The following MRPS35 variants were observed in gnomAD, a reference collection of about 807,000 sequenced individuals.
MRPS35 encodes mitochondrial ribosomal protein S35.
In MRPS35, 29 loss-of-function variants were observed where a neutral mutation model predicts 32.7. That is an observed-to-expected ratio of 0.89 (90% CI 0.66 to 1.21). MRPS35 has a LOEUF of 1.21. MRPS35 is among the 50% of genes most tolerant of loss of function. The probability of loss-of-function intolerance (pLI) is 0.00; values close to 1 mark genes in which losing one functional copy is unlikely to be tolerated. For missense variants in MRPS35, 373 were observed against 383.8 expected, an observed-to-expected ratio of 0.97 and a Z score of 0.23; for synonymous variants, 148 against 139.3, an observed-to-expected ratio of 1.06 and a Z score of -0.44.
rs142200034 is a variant in MRPS35, at chr12:27,710,895, A to T, written c.52A>T (p.Thr18Ser). The change falls in exon 1 of 8, where the codon ACT becomes TCT. Residue 18 changes from threonine to serine, a missense_variant. Coordinates refer to ENST00000081029, the MANE Select transcript of MRPS35 (RefSeq NM_021821.4). ...AWLSLQSRARTLRAFSTAVYS... is the reference protein window; with the variant it reads ...AWLSLQSRARSLRAFSTAVYS... ...GCTGTCTCTGCAGTCGAGGGCAAGG[A>T]CTCTGCGTGCATTCTCCACTGCCGT... 1.7e-3 allele frequency: 2,755 copies of T among 1,612,534 alleles called. 2 individuals carry two copies. Among genetic ancestry groups the T allele is most frequent in the Non-Finnish European group, 2.1e-3 (2,529 of 1,179,862 alleles).
In MRPS35 at chr12:27,743,044, A is replaced by G. The variant is rs115096995; in HGVS notation, c.702+5436A>G. Among the ~76,000 whole-genome samples the G allele has an allele frequency of 2.4e-3, 371 of 151,634 alleles. 6 individuals carry two copies. Among genetic ancestry groups the G allele is most frequent in the African/African-American group, 8.5e-3 (350 of 41,370 alleles). On this transcript the variant is annotated intron_variant, in intron 7 of 7. Coordinates refer to ENST00000081029, the MANE Select transcript of MRPS35 (RefSeq NM_021821.4). Reference sequence around the variant, plus strand: ...CGGAGCTAATTTTTTTATTTTTTGTAGAGGTGAAGTCTTGCTCTGTTCACC... The same window carrying G: ...CGGAGCTAATTTTTTTATTTTTTGTGGAGGTGAAGTCTTGCTCTGTTCACC...
At chr12:27,732,327 C>T (rs968393923) in intron 5 of MRPS35, among the ~76,000 whole-genome samples, 2 of 152,204 alleles carry the variant, frequency 1.3e-5, no homozygotes, top group African/African-American at 4.8e-5. Context: ...AATCTCATTG[C>T]TTTATTTGAA....
chr12:27,713,502 C>T (rs2061836310), intron 1 of MRPS35, among the ~76,000 whole-genome samples: 1 of 152,132 alleles, frequency 6.6e-6, no homozygotes, highest in South Asian at 2.1e-4. Context: ...TGTACAAGTT[C>T]CTGGAGTCCA....
At position 27,756,247 on chromosome 12, in the gene MRPS35, C is replaced by T. The variant is rs377538609; in HGVS notation, c.*797C>T. 3.9e-5 allele frequency: 6 copies of T among 152,286 alleles called. No individual in the cohort carries two copies. The highest frequency in any genetic ancestry group is 1.9e-4 in the East Asian group (1 of 5,186). The allele number at this position is 152,286 out of a possible 1,614,324, so 9.4% of individuals were successfully genotyped here. A position where few individuals can be genotyped will look rare whatever the true frequency, so the allele number is the denominator to read the frequency against. ...ACCTGTCAGCTGTTTCTTACCACTT[C>T]GATGGTTGTGATTAATTTAAAATCA... On this transcript the variant is annotated 3_prime_UTR_variant, in exon 8 of 8. Transcript: ENST00000081029.
In MRPS35 at chr12:27,739,965, A is replaced by G. The variant is rs191902359; in HGVS notation, c.702+2357A>G. 1.3e-4 allele frequency among the ~76,000 whole-genome samples: 20 copies of G among 152,322 alleles called. No individual in the cohort carries two copies. The East Asian group carries it at 3.5e-3, about 26-fold the overall frequency. On this transcript the variant is annotated intron_variant, in intron 7 of 7. Transcript: ENST00000081029. ...ATGCCAGGATAAGTAGCCACATACAACTGTCCAAACAAGTATACTTGAAGA... is the reference window on the plus strand; with the variant it reads ...ATGCCAGGATAAGTAGCCACATACAGCTGTCCAAACAAGTATACTTGAAGA...
intron 1 of MRPS35, among the ~76,000 whole-genome samples, chr12:27,714,468 C>T (rs1224265517): frequency 6.6e-6 from 1 of 151,688 alleles, no homozygotes; most frequent in Non-Finnish European, 1.5e-5. Context: ...TACTGGTAGT[C>T]GCAGCTACTT....
At position 27,710,871 on chromosome 12, in the gene MRPS35, C is replaced by G. The variant is rs763879236; in HGVS notation, c.28C>G (p.Leu10Val). MAAAALPAW[L>V]SLQSRARTLR... ...GGCGGCCGCCGCGCTCCCAGCATGG[C>G]TGTCTCTGCAGTCGAGGGCAAGGAC... The change falls in exon 1 of 8, where the codon CTG (leucine) becomes GTG (valine). Residue 10 changes from leucine to valine, a missense_variant. By Grantham distance (32) the Leu-to-Val change is conservative. Coordinates refer to ENST00000081029, the MANE Select transcript of MRPS35 (RefSeq NM_021821.4). The G allele has an allele frequency of 2.5e-6, 4 of 1,610,766 alleles. No individual in the cohort carries two copies. The South Asian group carries it at 4.4e-5, about 18-fold the overall frequency.
intron 5 of MRPS35, among the ~76,000 whole-genome samples, chr12:27,724,667 C>A (rs886602690): frequency 6.6e-6 from 1 of 151,898 alleles, no homozygotes; most frequent in Admixed American, 6.6e-5. Context: ...TGCTTGAACC[C>A]GGGAGGCAGA....
chr12:27,741,410 G>A (rs1294752384), intron 7 of MRPS35, among the ~76,000 whole-genome samples: 2 of 152,088 alleles, frequency 1.3e-5, no homozygotes, highest in Non-Finnish European at 2.9e-5. Context: ...TTTGTGTAAA[G>A]TGTCTGGCAA....
intron 5 of MRPS35, among the ~76,000 whole-genome samples, chr12:27,727,086 G>C (rs991134249): frequency 2.7e-5 from 4 of 148,890 alleles, no homozygotes; most frequent in Non-Finnish European, 5.9e-5. Flanking sequence ...TCAGCCTCCC[G>C]AGTAGCTAGA....
Position 27,716,451 on chromosome 12 carries a change from T to C in MRPS35, c.314T>C (p.Leu105Pro), listed in dbSNP as rs1452000457. 1 of 1,614,010 alleles carries C rather than the reference T, an allele frequency of 6.2e-7. No individual in the cohort carries two copies. The highest frequency in any genetic ancestry group is 1.1e-5 in the South Asian group (1 of 91,054). ...ATGGCAAAGGAGGGAAATCTAGAAC[T>C]TTTAAAGGTAAGACAAATTGCTGAT... is the stretch of plus-strand genomic sequence containing the variant. The part of the protein sequence containing the change: ...VPMAKEGNLE[L>P]LKIPNFLHLT... The change falls in exon 3 of 8, where the codon CTT (leucine) becomes CCT (proline). Residue 105 changes from leucine (L) to proline (P), a missense_variant. Physicochemically the swap from Leu to Pro is moderately conservative, Grantham distance 98. Transcript: ENST00000081029.
chr12:27,751,403 G>A (rs2062002725), intron 7 of MRPS35, among the ~76,000 whole-genome samples: 1 of 152,164 alleles, frequency 6.6e-6, no homozygotes, highest in Non-Finnish European at 1.5e-5. Context: ...TGAGCAGAAA[G>A]AACACCTGGG....
chr12:27,716,541 T>TATACACTGAACGGTGAAGCA, intron 3 of MRPS35, 83 bp downstream of exon 3: 1 of 1,393,766 alleles, frequency 7.2e-7, no homozygotes, highest in Non-Finnish European at 1.0e-6. Flanking sequence ...TCTCTTATGC[T>TATACACTGAACGGTGAAGCA]TCACCGTTCA....
At chr12:27,739,846 G>A (rs1030110572) in intron 7 of MRPS35, among the ~76,000 whole-genome samples, 3 of 152,196 alleles carry the variant, frequency 2.0e-5, no homozygotes, top group African/African-American at 7.2e-5. Flanking sequence ...GTTGATTTAT[G>A]GGATTCTTTC....
chr12:27,735,421 T>G (rs769324583), intron 5 of MRPS35, 26 bp from the exon 6 acceptor site: 2 of 1,505,726 alleles, frequency 1.3e-6, no homozygotes, highest in Non-Finnish European at 1.8e-6. Flanking sequence ...AAATTATTTT[T>G]TCAAATAACT....
intron 4 of MRPS35, among the ~76,000 whole-genome samples, chr12:27,723,684 A>G (rs2061886567): frequency 6.6e-6 from 1 of 152,158 alleles, no homozygotes; most frequent in African/African-American, 2.4e-5. Context: ...TGAAAACAGT[A>G]ATGCTGTGGG....
intron 5 of MRPS35, chr12:27,725,552 G>C (rs948239668): frequency 4.3e-6 from 1 of 231,592 alleles, no homozygotes; most frequent in South Asian, 6.1e-5. Flanking sequence ...GAAGTTTGTT[G>C]ATATATATTA....
At position 27,714,936 on chromosome 12, in the gene MRPS35, C is replaced by G. The variant is rs535113678; in HGVS notation, c.153+116C>G. On this transcript the variant is annotated intron_variant, in intron 2 of 7. Coordinates refer to ENST00000081029, the MANE Select transcript of MRPS35 (RefSeq NM_021821.4). ...AGAAGACTTCACAAGGTCATGTTTA[C>G]TGGGTGATTGCCATAGCCCTGGCAG... The G allele has an allele frequency of 3.6e-6, 3 of 836,878 alleles. No homozygotes were observed. In the South Asian group the frequency reaches 5.0e-5, roughly 14 times the overall value. 51.8% of individuals were successfully genotyped at this position (836,878 alleles called of 1,614,324 possible).
chr12:27,730,893 A>G (rs993043258), intron 5 of MRPS35, among the ~76,000 whole-genome samples: 1 of 152,206 alleles, frequency 6.6e-6, no homozygotes, highest in Non-Finnish European at 1.5e-5. Context: ...GAAGAAAGTT[A>G]CTATGCAGAG....
Sources: gnomAD v4.1 joint callset for allele counts (sites outside exome capture counted in the v4.1 genomes callset) on GRCh38, gnomAD v4.1.1 for gene constraint, MANE v1.5 for transcripts, NCBI Gene and HGNC (gene_info 2026-07-23, HGNC 2026-07-21) for gene names.